STPG2: variants seen among roughly 807,000 people sequenced by gnomAD.
The protein encoded by STPG2 is sperm-tail PG-rich repeat-containing protein 2.
A neutral mutation model predicts 54.2 loss-of-function variants in STPG2; 56 were observed. That is an observed-to-expected ratio of 1.03 (90% CI 0.83 to 1.29). The LOEUF (loss-of-function observed/expected upper bound fraction) is 1.29. Among genes scored for constraint, STPG2 ranks in the 50% most tolerant of loss-of-function variants. The pLI, the probability that STPG2 is intolerant of heterozygous loss-of-function variation, is 0.00. For missense variants in STPG2, 596 were observed against 544.9 expected, an observed-to-expected ratio of 1.09 and a Z score of -0.93; for synonymous variants, 200 against 181.8, an observed-to-expected ratio of 1.10 and a Z score of -0.81.
intron 4 of STPG2, among the ~76,000 whole-genome samples, chr4:97,456,791 G>C (rs145640287): frequency 0.016 from 2,424 of 150,776 alleles, 62 homozygotes; most frequent in African/African-American, 0.057. Flanking sequence ...AGCTACTCAG[G>C]AGGCTGAGGC....
chr4:97,550,513 C>A (rs985006230), intron 4 of STPG2, among the ~76,000 whole-genome samples: 1 of 152,038 alleles, frequency 6.6e-6, no homozygotes, highest in South Asian at 2.1e-4. Flanking sequence ...AAATCTTATG[C>A]TAGTTCTACA....
chr4:97,552,754 T>C (rs1244067030), intron 4 of STPG2, among the ~76,000 whole-genome samples: 1 of 152,150 alleles, frequency 6.6e-6, no homozygotes, highest in African/African-American at 2.4e-5. Context: ...ATGAAAGATA[T>C]TGAGTTTACA....
chr4:98,107,218 T>C (rs983645073), intron 4 of STPG2, among the ~76,000 whole-genome samples: 1 of 152,142 alleles, frequency 6.6e-6, no homozygotes. Context: ...TTATCTTTCA[T>C]TTAGAGTAAC....
intron 4 of STPG2, among the ~76,000 whole-genome samples, chr4:97,478,910 TG>T (rs1730147481): frequency 6.7e-6 from 1 of 149,496 alleles, no homozygotes; most frequent in Non-Finnish European, 1.5e-5. Context: ...TGTGTGTGTG[TG>T]TGTGTGTGTA....
chr4:97,915,054 C>T (rs893208718), intron 8 of STPG2, among the ~76,000 whole-genome samples: 1 of 152,104 alleles, frequency 6.6e-6, no homozygotes, highest in Non-Finnish European at 1.5e-5. Flanking sequence ...ATCCATTCAT[C>T]TAGTGATAGA....
chr4:97,622,771 T>G (rs1734045175), intron 10 of STPG2, among the ~76,000 whole-genome samples: 1 of 152,094 alleles, frequency 6.6e-6, no homozygotes, highest in African/African-American at 2.4e-5. Context: ...AAAACTATCT[T>G]AAAATTTGTA....
chr4:97,957,474 C>A (rs1488805910), intron 7 of STPG2, among the ~76,000 whole-genome samples: 1 of 151,912 alleles, frequency 6.6e-6, no homozygotes, highest in African/African-American at 2.4e-5. Flanking sequence ...GAAGGGAAAT[C>A]TAGAAGTTTG....
intron 4 of STPG2, among the ~76,000 whole-genome samples, chr4:97,487,868 TG>T (rs1253949445): frequency 2.0e-5 from 3 of 151,546 alleles, no homozygotes; most frequent in African/African-American, 7.3e-5. Context: ...GAAAGTTTTT[TG>T]TTTATTAGTA....
chr4:97,729,101 G>A (rs1553908042), intron 9 of STPG2, among the ~76,000 whole-genome samples: 1 of 63,750 alleles, frequency 1.6e-5, no homozygotes, highest in South Asian at 5.7e-4. Flanking sequence ...CTCTCTCAGG[G>A]CTCACTGAGG....
At chr4:97,622,800 C>T (rs753956273) in intron 10 of STPG2, among the ~76,000 whole-genome samples, 24 of 151,896 alleles carry the variant, frequency 1.6e-4, no homozygotes, top group Admixed American at 4.6e-4. Context: ...TAAAAGAGCC[C>T]CAAAAGCCAA....
At chr4:97,731,204 G>GGTTT (rs1724783429) in intron 9 of STPG2, among the ~76,000 whole-genome samples, 1 of 152,050 alleles carries the variant, frequency 6.6e-6, no homozygotes. Flanking sequence ...TTCCCTTGAG[G>GGTTT]GTTTGACTGT....
At chr4:98,139,769 C>G (rs542698878) in intron 1 of STPG2, among the ~76,000 whole-genome samples, 8 of 152,194 alleles carry the variant, frequency 5.3e-5, no homozygotes, top group Non-Finnish European at 1.2e-4. Context: ...TCCTATAAAA[C>G]AGTAAAAGGG....
At chr4:98,002,224 T>A (rs1735434025) in intron 5 of STPG2, among the ~76,000 whole-genome samples, 1 of 152,026 alleles carries the variant, frequency 6.6e-6, no homozygotes, top group Non-Finnish European at 1.5e-5. Context: ...TGAAGTGCTG[T>A]ATAGGAAAAG....
intron 10 of STPG2, among the ~76,000 whole-genome samples, chr4:97,693,669 A>G (rs930521422): frequency 6.6e-6 from 1 of 152,182 alleles, no homozygotes; most frequent in Non-Finnish European, 1.5e-5. Context: ...AATGAACTTA[A>G]CAGATATTTA....
chr4:98,141,665 A>G (rs1341369605), intron 1 of STPG2, among the ~76,000 whole-genome samples: 2 of 152,178 alleles, frequency 1.3e-5, no homozygotes, highest in Non-Finnish European at 2.9e-5. Flanking sequence ...AAATACATAA[A>G]GCCAAGCTGT....
chr4:98,107,136 T>G (rs1739211403), intron 4 of STPG2, among the ~76,000 whole-genome samples: 2 of 152,120 alleles, frequency 1.3e-5, no homozygotes, highest in South Asian at 4.1e-4. Flanking sequence ...GGATAAGAAA[T>G]TTATATGTGG....
At chr4:97,548,406 T>G (rs996326669) in intron 4 of STPG2, among the ~76,000 whole-genome samples, 1 of 151,502 alleles carries the variant, frequency 6.6e-6, no homozygotes, top group Non-Finnish European at 1.5e-5. Flanking sequence ...AATTATAGAG[T>G]CAGGTAGTGA....
chr4:97,885,585 A>G (rs976876314), intron 8 of STPG2, among the ~76,000 whole-genome samples: 3 of 152,238 alleles, frequency 2.0e-5, no homozygotes, highest in Non-Finnish European at 2.9e-5. Context: ...TGAACAATAT[A>G]CCATTGGCCA....
At chr4:97,451,041 G>A (rs1230773789) in intron 4 of STPG2, among the ~76,000 whole-genome samples, 1 of 152,108 alleles carries the variant, frequency 6.6e-6, no homozygotes, top group African/African-American at 2.4e-5. Flanking sequence ...TTCAGAGGGG[G>A]AAGTATGGGT....
Sources: allele counts gnomAD v4.1 joint callset (sites outside exome capture counted in the v4.1 genomes callset), GRCh38; gene constraint gnomAD v4.1.1; transcripts MANE v1.5; gene names NCBI Gene and HGNC (gene_info 2026-07-23, HGNC 2026-07-21).